TNRC6B: variants seen among roughly 807,000 people sequenced by gnomAD.
The protein encoded by TNRC6B is trinucleotide repeat-containing gene 6B protein.
In TNRC6B, 52 loss-of-function variants were observed where a neutral mutation model predicts 203.6. The observed-to-expected ratio is 0.26, with a 90% confidence interval of 0.20 to 0.32. TNRC6B has a LOEUF of 0.32. Ranked by LOEUF, TNRC6B falls within the 10% of genes least tolerant of loss-of-function variation. The probability of loss-of-function intolerance (pLI) is 1.00; values close to 1 mark genes in which losing one functional copy is unlikely to be tolerated. For synonymous variants in TNRC6B, 838 were observed against 845.7 expected (o/e 0.99, Z 0.16); for missense variants, 1,923 against 2,286.2 (o/e 0.84, Z 3.24).
intron 3 of TNRC6B, among the ~76,000 whole-genome samples, chr22:40,260,639 T>C (rs570644200): frequency 6.6e-6 from 1 of 151,880 alleles, no homozygotes; most frequent in African/African-American, 2.4e-5. Flanking sequence ...GGTAGATCTT[T>C]TAAGAATGTG....
In TNRC6B at chr22:40,323,047, A is replaced by C. The variant is rs761426890; in HGVS notation, c.5308A>C (p.Thr1770Pro). 1 of 1,601,698 alleles carries C rather than the reference A, an allele frequency of 6.2e-7. No individual in the cohort carries two copies. The highest frequency in any genetic ancestry group is 1.1e-5 in the South Asian group (1 of 89,730). ...TGCTCTGAATCTTTTTGGTGGGTCC[A>C]CTGGGCTCGGGCAGTGGAGCAGCAG... ...GPALNLFGGSTGLGQWSSSAG... is the reference protein window; with the variant it reads ...GPALNLFGGSPGLGQWSSSAG... The change falls in exon 23 of 23, where the codon ACT (threonine) becomes CCT (proline). Residue 1770 changes from threonine (T) to proline (P), a missense_variant. Around this residue, in one of 8 missense-constraint regions of TNRC6B, gnomAD observed 126 missense variants for 137.5 expected, o/e 0.92. Transcript: ENST00000454349.
chr22:40,148,608 A>G (rs929151260), intron 3 of TNRC6B, among the ~76,000 whole-genome samples: 1 of 132,558 alleles, frequency 7.5e-6, no homozygotes, highest in Non-Finnish European at 1.6e-5. Flanking sequence ...AAAAAGTTAA[A>G]ACATGTAACT....
At chr22:40,180,523 GC>G (rs1209755046) in intron 1 of TNRC6B, among the ~76,000 whole-genome samples, 1 of 152,174 alleles carries the variant, frequency 6.6e-6, no homozygotes, top group Non-Finnish European at 1.5e-5. Flanking sequence ...ATAAGACCTG[GC>G]TTCACGTATG....
chr22:40,095,380 C>T (rs1040395864), intron 1 of TNRC6B, among the ~76,000 whole-genome samples: 1 of 152,228 alleles, frequency 6.6e-6, no homozygotes, highest in Non-Finnish European at 1.5e-5. Context: ...TTTCAGACCA[C>T]GCACCCTCCC....
At chr22:40,086,869 T>G (rs2068104648) in intron 1 of TNRC6B, among the ~76,000 whole-genome samples, 2 of 152,250 alleles carry the variant, frequency 1.3e-5, no homozygotes. Flanking sequence ...AGAGAGATGC[T>G]AATAAGCTTT....
At chr22:40,301,108 C>CG (rs2071017270) in intron 14 of TNRC6B, 42 bp from the exon 15 acceptor site, 1 of 1,553,370 alleles carries the variant, frequency 6.4e-7, no homozygotes, top group Non-Finnish European at 8.7e-7. Flanking sequence ...CTGGGAAGTT[C>CG]GGGGCCGTGC....
At chr22:40,071,168 C>T (rs1403112098) in intron 1 of TNRC6B, among the ~76,000 whole-genome samples, 2 of 151,948 alleles carry the variant, frequency 1.3e-5, no homozygotes, top group African/African-American at 4.8e-5. Context: ...TGTTCTTTCT[C>T]TATAGGCCAG....
chr22:40,301,120 T>C, intron 14 of TNRC6B, 30 bp from the exon 15 acceptor site: 1 of 1,553,106 alleles, frequency 6.4e-7, no homozygotes, highest in Non-Finnish European at 8.7e-7. Context: ...GGGCCGTGCT[T>C]ATCACGTGTC....
At position 40,262,191 on chromosome 22, in the gene TNRC6B, T is replaced by A. The variant is rs773049528; in HGVS notation, c.457+18T>A. 42 of 1,364,396 alleles carry A rather than the reference T, an allele frequency of 3.1e-5. No individual in the cohort carries two copies. In the East Asian group the frequency reaches 9.0e-4, roughly 29 times the overall value. 84.5% of individuals were successfully genotyped at this position (1,364,396 alleles called of 1,614,324 possible). A position where few individuals can be genotyped will look rare whatever the true frequency, so the allele number is the denominator to read the frequency against. On this transcript the variant is annotated intron_variant, in intron 4 of 22. Transcript: ENST00000454349. ...TGCGCCAGGTAAGGCACCCTGTGAA[T>A]CGAATGCATGGCAGCTTGACAGAGA...
intron 1 of TNRC6B, among the ~76,000 whole-genome samples, chr22:40,092,046 AAG>A (rs904360518): frequency 1.3e-5 from 2 of 152,206 alleles, no homozygotes; most frequent in African/African-American, 4.8e-5. Context: ...GTCGAAAATG[AAG>A]AGTCACAAAA....
chr22:40,224,155 C>CGT (rs1472295328), intron 1 of TNRC6B, among the ~76,000 whole-genome samples: 1 of 152,164 alleles, frequency 6.6e-6, no homozygotes, highest in Non-Finnish European at 1.5e-5. Flanking sequence ...CAGGCATGAG[C>CGT]CACCATGCCC....
At chr22:40,303,046 C>CTTTTTT (rs756951957) in intron 15 of TNRC6B, among the ~76,000 whole-genome samples, 36 of 90,058 alleles carry the variant, frequency 4.0e-4, no homozygotes, top group South Asian at 1.1e-3. Context: ...TCTTCTTCTT[C>CTTTTTT]TTTTTTTTTT....
At chr22:40,172,341 A>G (rs1287424664) in intron 4 of TNRC6B, among the ~76,000 whole-genome samples, 1 of 152,282 alleles carries the variant, frequency 6.6e-6, no homozygotes, top group African/African-American at 2.4e-5. Flanking sequence ...AGCTCCATAT[A>G]GACGAGAACC....
intron 1 of TNRC6B, among the ~76,000 whole-genome samples, chr22:40,051,977 G>C (rs568496547): frequency 2.6e-5 from 4 of 152,264 alleles, no homozygotes; most frequent in Admixed American, 6.5e-5. Flanking sequence ...CAAGTGCTCA[G>C]TAGCCACATG....
intron 1 of TNRC6B, among the ~76,000 whole-genome samples, chr22:40,202,170 A>C (rs1277277192): frequency 6.6e-6 from 1 of 151,932 alleles, no homozygotes; most frequent in Non-Finnish European, 1.5e-5. Context: ...AAGTCATTTA[A>C]TTTGATGTTT....
intron 4 of TNRC6B, among the ~76,000 whole-genome samples, chr22:40,164,320 G>A (rs369270225): frequency 2.6e-4 from 39 of 148,396 alleles, no homozygotes; most frequent in East Asian, 1.0e-3. Context: ...CCTGGGAGGC[G>A]GAGGTTGCAG....
At chr22:40,055,996 G>A (rs2067791741) in intron 1 of TNRC6B, among the ~76,000 whole-genome samples, 1 of 152,202 alleles carries the variant, frequency 6.6e-6, no homozygotes, top group South Asian at 2.1e-4. Context: ...GAAAAAGGGA[G>A]ATTAATTGGA....
chr22:40,268,955 CT>C (rs1466628575), intron 5 of TNRC6B, among the ~76,000 whole-genome samples: 14 of 150,604 alleles, frequency 9.3e-5, no homozygotes, highest in Non-Finnish European at 2.1e-4. Flanking sequence ...ATCTTAACCC[CT>C]AGGGTCTCTT....
intron 1 of TNRC6B, among the ~76,000 whole-genome samples, chr22:40,239,962 C>A (rs2070005726): frequency 6.6e-6 from 1 of 151,996 alleles, no homozygotes; most frequent in Non-Finnish European, 1.5e-5. Flanking sequence ...CTCAGCCTCC[C>A]AAGCAGCTGG....
Sources: gnomAD v4.1 joint callset for allele counts (sites outside exome capture counted in the v4.1 genomes callset) on GRCh38, gnomAD v4.1.1 for gene constraint, gnomAD v4.1.1 regional missense constraint, MANE v1.5 for transcripts, NCBI Gene and HGNC (gene_info 2026-07-23, HGNC 2026-07-21) for gene names.